The following ALPK1 variants were observed in gnomAD, a reference collection of about 807,000 sequenced individuals.
ALPK1 encodes the protein alpha-protein kinase 1.
In ALPK1, 110 loss-of-function variants were observed where a neutral mutation model predicts 120.6. That is an observed-to-expected ratio of 0.91 (90% confidence interval 0.78 to 1.07). ALPK1 has a LOEUF of 1.07. Ranked by LOEUF, ALPK1 falls within the 50% of genes least tolerant of loss-of-function variation. ALPK1 has a pLI of 0.00. For synonymous variants in ALPK1, 582 were observed against 560.3 expected (o/e 1.04, Z -0.55); for missense variants, 1,498 against 1,483.9 (o/e 1.01, Z -0.16).
At chr4:112,405,005 T>C (rs1674912691) in intron 4 of ALPK1, among the ~76,000 whole-genome samples, 1 of 152,174 alleles carries the variant, frequency 6.6e-6, no homozygotes, top group Non-Finnish European at 1.5e-5. Context: ...GCCTAAGAAA[T>C]GCTTCCTATG....
At chr4:112,338,184 C>A (rs1729706356) in intron 2 of ALPK1, among the ~76,000 whole-genome samples, 1 of 152,178 alleles carries the variant, frequency 6.6e-6, no homozygotes, top group East Asian at 1.9e-4. Context: ...CCAGGCCAGT[C>A]TCGAACTCCT....
chr4:112,387,387 T>C (rs1732198634), intron 4 of ALPK1, among the ~76,000 whole-genome samples: 1 of 152,178 alleles, frequency 6.6e-6, no homozygotes, highest in Admixed American at 6.5e-5. Context: ...CTGCACAGGT[T>C]TGGGGGTCCT....
intron 2 of ALPK1, among the ~76,000 whole-genome samples, chr4:112,335,647 T>A (rs1228355385): frequency 6.6e-6 from 1 of 152,172 alleles, no homozygotes; most frequent in Non-Finnish European, 1.5e-5. Context: ...AGCCACATAA[T>A]CTGGAGGCAA....
At chr4:112,408,267 A>C (rs1213191045) in intron 4 of ALPK1, among the ~76,000 whole-genome samples, 1 of 152,158 alleles carries the variant, frequency 6.6e-6, no homozygotes, top group East Asian at 1.9e-4. Flanking sequence ...AAGCAAAAGT[A>C]GAAGGAAGGC....
At chr4:112,307,221 T>C (rs1578447253) in intron 1 of ALPK1, among the ~76,000 whole-genome samples, 1 of 152,104 alleles carries the variant, frequency 6.6e-6, no homozygotes, top group South Asian at 2.1e-4. Flanking sequence ...GAAGAATGTA[T>C]ATTCTGTTGA....
intron 2 of ALPK1, among the ~76,000 whole-genome samples, chr4:112,368,058 A>G (rs1731236027): frequency 6.6e-6 from 1 of 151,916 alleles, no homozygotes; most frequent in African/African-American, 2.4e-5. Flanking sequence ...TCATTGCACC[A>G]CCACGCGCAC....
chr4:112,299,141 G>A (rs1727677619), intron 1 of ALPK1, among the ~76,000 whole-genome samples: 1 of 150,954 alleles, frequency 6.6e-6, no homozygotes, highest in South Asian at 2.1e-4. Context: ...TTTGTTTCTT[G>A]TTATTGATGG....
chr4:112,335,008 C>A (rs1729549062), intron 2 of ALPK1, among the ~76,000 whole-genome samples: 1 of 152,100 alleles, frequency 6.6e-6, no homozygotes, highest in Non-Finnish European at 1.5e-5. Context: ...CCTGTAATCC[C>A]AGCACTTGGG....
chr4:112,403,598 A>C (rs549760754), intron 4 of ALPK1, among the ~76,000 whole-genome samples: 1 of 152,296 alleles, frequency 6.6e-6, no homozygotes, highest in South Asian at 2.1e-4. Context: ...CCACAATGCT[A>C]TTGAAGTGCT....
At chr4:112,404,175 T>C (rs1016310411) in intron 4 of ALPK1, among the ~76,000 whole-genome samples, 1 of 152,242 alleles carries the variant, frequency 6.6e-6, no homozygotes, top group Non-Finnish European at 1.5e-5. Flanking sequence ...TTCTCTGGGA[T>C]AAACCTTGTA....
chr4:112,441,237 G>A lies in ALPK1; in HGVS notation c.*27G>A. 2 of 1,475,840 alleles carry A rather than the reference G, an allele frequency of 1.4e-6. No individual in the cohort carries two copies. The highest frequency in any genetic ancestry group is 9.5e-7 in the Non-Finnish European group (1 of 1,054,038). The allele number at this position is 1,475,840 out of a possible 1,614,324, so 91.4% of individuals were successfully genotyped here. Reference sequence around the variant, plus strand: ...ATACGGCACAGTCTGGTCCTTTGGGGCTTGGGCAGGGCCGTGACACAGGTT... The same window carrying A: ...ATACGGCACAGTCTGGTCCTTTGGGACTTGGGCAGGGCCGTGACACAGGTT... On this transcript the variant is annotated 3_prime_UTR_variant, in exon 16 of 16. Transcript: ENST00000650871.
chr4:112,368,671 G>T (rs1023016117), intron 2 of ALPK1, among the ~76,000 whole-genome samples: 8 of 152,154 alleles, frequency 5.3e-5, no homozygotes, highest in Non-Finnish European at 2.9e-5. Flanking sequence ...TTAATCATTA[G>T]CTAGAGGTGT....
intron 4 of ALPK1, among the ~76,000 whole-genome samples, chr4:112,399,685 C>A (rs555144135): frequency 5.2e-4 from 79 of 152,174 alleles, no homozygotes; most frequent in Admixed American, 1.4e-3. Context: ...CACCTATCAA[C>A]CCGTCATTTA....
At chr4:112,412,143 C>A in intron 5 of ALPK1, 118 bp downstream of exon 5, 1 of 1,262,346 alleles carries the variant, frequency 7.9e-7, no homozygotes, top group Non-Finnish European at 1.1e-6. Context: ...TGCCATCTTT[C>A]CGAGCCCGGG....
At chr4:112,368,248 T>A (rs1251981558) in intron 2 of ALPK1, among the ~76,000 whole-genome samples, 1 of 152,228 alleles carries the variant, frequency 6.6e-6, no homozygotes, top group Non-Finnish European at 1.5e-5. Context: ...AATCTATGCA[T>A]TCATTGAATT....
intron 9 of ALPK1, among the ~76,000 whole-genome samples, chr4:112,428,631 T>A (rs1053980798): frequency 1.3e-5 from 2 of 152,182 alleles, no homozygotes; most frequent in Non-Finnish European, 2.9e-5. Flanking sequence ...CCAGAACACT[T>A]GTCATAATCT....
At chr4:112,326,615 T>A (rs934916736) in intron 2 of ALPK1, among the ~76,000 whole-genome samples, 1 of 152,166 alleles carries the variant, frequency 6.6e-6, no homozygotes, top group Non-Finnish European at 1.5e-5. Context: ...GCATTTCCCA[T>A]CCTCATGTCC....
intron 2 of ALPK1, among the ~76,000 whole-genome samples, chr4:112,323,197 A>G (rs1466513726): frequency 6.6e-6 from 1 of 152,156 alleles, no homozygotes; most frequent in Non-Finnish European, 1.5e-5. Flanking sequence ...CCCATCTTTC[A>G]ATGTCCTAGT....
chr4:112,423,028 G>T (rs972862881), intron 5 of ALPK1, among the ~76,000 whole-genome samples: 6 of 152,230 alleles, frequency 3.9e-5, no homozygotes, highest in Non-Finnish European at 7.3e-5. Flanking sequence ...TGGAAAAATG[G>T]CCAGGTCATC....
Sources: allele counts gnomAD v4.1 joint callset (sites outside exome capture counted in the v4.1 genomes callset), GRCh38; gene constraint gnomAD v4.1.1; transcripts MANE v1.5; gene names NCBI Gene and HGNC (gene_info 2026-07-23, HGNC 2026-07-21).